MSI2: variants seen among roughly 807,000 people sequenced by gnomAD.
The protein encoded by MSI2 is musashi RNA binding protein 2.
MSI2 carries 17 observed loss-of-function variants against 45.6 expected under a neutral mutation model. That is an observed-to-expected ratio of 0.37 (90% CI 0.26 to 0.56). MSI2 has a LOEUF of 0.56. Ranked by LOEUF, MSI2 falls within the 20% of genes least tolerant of loss-of-function variation. The pLI, the probability that MSI2 is intolerant of heterozygous loss-of-function variation, is 0.77. For synonymous variants in MSI2, 156 were observed against 158.2 expected, an observed-to-expected ratio of 0.99 and a Z score of 0.11; for missense variants, 293 against 444.2, an observed-to-expected ratio of 0.66 and a Z score of 3.06.
rs540901329 is a variant in MSI2 at position 57,461,411 on chromosome 17, T to C, written c.405+59940T>C. On this transcript the variant is annotated intron_variant, in intron 6 of 13. Transcript: ENST00000284073. ...TTAAAAAATTAATCCTCCTAAGAGG[T>C]AGCCTCGGCAGAGGGGCTTGGAATG... Among the ~76,000 whole-genome samples the C allele has an allele frequency of 3.9e-5, 6 of 152,110 alleles. No individual in the cohort carries two copies. The South Asian group carries it at 1.2e-3, about 32-fold the overall frequency.
chr17:57,391,843 A>G (rs2083798212), intron 5 of MSI2, among the ~76,000 whole-genome samples: 1 of 152,234 alleles, frequency 6.6e-6, no homozygotes, highest in African/African-American at 2.4e-5. Context: ...ATTCAAAAAC[A>G]GTGAAGGTTT....
In MSI2 at chr17:57,596,460, C is replaced by A. The variant is rs758994340; in HGVS notation, c.455-408C>A. 6.6e-6 allele frequency among the ~76,000 whole-genome samples: 1 copy of A among 152,320 alleles called. No homozygotes were observed. Among genetic ancestry groups the A allele is most frequent in the Non-Finnish European group, 1.5e-5 (1 of 68,036 alleles). On this transcript the variant is annotated intron_variant, in intron 7 of 13. Transcript: ENST00000284073. This position sits in a 1 kb window ranked among gnomAD's most constrained non-coding sequence, Gnocchi z 4.6. The stretch of plus-strand genomic sequence containing the variant: ...CAAATAACCACCTCCGTCTGGAGGC[C>A]GACCCGAGGGCTGGCCAGGGCTGCT...
intron 6 of MSI2, among the ~76,000 whole-genome samples, chr17:57,430,172 C>A (rs537377235): frequency 2.2e-4 from 33 of 152,314 alleles, no homozygotes; most frequent in African/African-American, 7.9e-4. Flanking sequence ...AGTGCCCATT[C>A]ATTGGAAATT....
intron 5 of MSI2, among the ~76,000 whole-genome samples, chr17:57,313,970 C>T (rs774174099): frequency 5.9e-5 from 9 of 152,250 alleles, no homozygotes; most frequent in Non-Finnish European, 1.3e-4. Context: ...CAAAGTACCA[C>T]GGACTAGGCG....
intron 2 of MSI2, 122 bp downstream of exon 2, chr17:57,257,260 GTTA>G (rs1906868660): frequency 3.4e-6 from 2 of 584,628 alleles, no homozygotes; most frequent in Non-Finnish European, 2.8e-6. Context: ...CCTGTGCAAG[GTTA>G]TTTTTTTTAA....
At chr17:57,490,725 C>T (rs1477240163) in intron 6 of MSI2, among the ~76,000 whole-genome samples, 1 of 152,148 alleles carries the variant, frequency 6.6e-6, no homozygotes, top group African/African-American at 2.4e-5. Flanking sequence ...TGGTGAGATG[C>T]CCTGATGTTT....
At chr17:57,488,111 T>A (rs1406182648) in intron 6 of MSI2, among the ~76,000 whole-genome samples, 3 of 152,050 alleles carry the variant, frequency 2.0e-5, no homozygotes, top group Non-Finnish European at 1.5e-5. Flanking sequence ...CAAGCCACCT[T>A]CATTTGTCCC....
intron 5 of MSI2, among the ~76,000 whole-genome samples, chr17:57,359,321 A>T (rs904577650): frequency 7.2e-5 from 11 of 152,188 alleles, no homozygotes; most frequent in Non-Finnish European, 1.5e-4. Flanking sequence ...ATTCAGCTTT[A>T]ATATTATTGA....
chr17:57,353,123 C>A (rs1916151731), intron 5 of MSI2, among the ~76,000 whole-genome samples: 1 of 152,158 alleles, frequency 6.6e-6, no homozygotes, highest in Non-Finnish European at 1.5e-5. Flanking sequence ...CATCTTTCCC[C>A]AGATAGCTCC....
At chr17:57,467,428 C>T (rs867138981) in intron 6 of MSI2, among the ~76,000 whole-genome samples, 5 of 151,742 alleles carry the variant, frequency 3.3e-5, no homozygotes, top group Middle Eastern at 3.4e-3. Context: ...TGTAGATAGA[C>T]GAATGAAAGG....
chr17:57,476,372 C>A (rs2085537979), intron 6 of MSI2, among the ~76,000 whole-genome samples: 1 of 152,200 alleles, frequency 6.6e-6, no homozygotes, highest in African/African-American at 2.4e-5. Context: ...GAATGGGTCC[C>A]TCACATAGGT....
intron 5 of MSI2, among the ~76,000 whole-genome samples, chr17:57,335,265 C>A (rs1598136090): frequency 6.6e-6 from 1 of 152,158 alleles, no homozygotes; most frequent in Admixed American, 6.5e-5. Context: ...GTTCTAGCAG[C>A]TGTGCGATGT....
chr17:57,551,396 C>T (rs973275303), intron 7 of MSI2, among the ~76,000 whole-genome samples: 1 of 152,098 alleles, frequency 6.6e-6, no homozygotes, highest in Non-Finnish European at 1.5e-5. Context: ...GGATTGCTGC[C>T]GGAGGGAGGG....
chr17:57,315,548 G>A (rs956321378), intron 5 of MSI2, among the ~76,000 whole-genome samples: 1 of 152,162 alleles, frequency 6.6e-6, no homozygotes, highest in African/African-American at 2.4e-5. Context: ...GGTTCTTGAA[G>A]GCTGGGCCCA....
chr17:57,257,328 C>A, intron 2 of MSI2, 138 bp from the exon 3 acceptor site: 1 of 593,408 alleles, frequency 1.7e-6, no homozygotes. Flanking sequence ...ATTTCCCCCG[C>A]GTGTGCAAAA....
intron 7 of MSI2, among the ~76,000 whole-genome samples, chr17:57,539,562 C>T (rs927533926): frequency 5.8e-4 from 10 of 17,140 alleles, no homozygotes; most frequent in African/African-American, 2.2e-3. Context: ...AACGGTGGCA[C>T]GTGCCTGTAA....
At chr17:57,256,000 T>C (rs1216936131), upstream of MSI2, 1 of 151,714 alleles carries the variant, frequency 6.6e-6, no homozygotes, top group Non-Finnish European at 1.5e-5. Context: ...GCTCCCGACG[T>C]CCTTGACCTA....
intron 5 of MSI2, among the ~76,000 whole-genome samples, chr17:57,369,346 G>T (rs1459637616): frequency 6.6e-6 from 1 of 152,178 alleles, no homozygotes; most frequent in Admixed American, 6.5e-5. Flanking sequence ...AATGAGAGGG[G>T]CAGCCAGTTG....
intron 5 of MSI2, among the ~76,000 whole-genome samples, chr17:57,301,727 T>G (rs1414377337): frequency 6.6e-6 from 1 of 152,104 alleles, no homozygotes; most frequent in Non-Finnish European, 1.5e-5. Flanking sequence ...ACATTTGAGT[T>G]GCCGAGTTTA....
Sources: allele counts gnomAD v4.1 joint callset (sites outside exome capture counted in the v4.1 genomes callset), GRCh38; gene constraint gnomAD v4.1.1; non-coding constraint Gnocchi (gnomAD v3.1); transcripts MANE v1.5; gene names NCBI Gene and HGNC (gene_info 2026-07-23, HGNC 2026-07-21).